RPL3L: variants seen among roughly 807,000 people sequenced by gnomAD.
RPL3L encodes the protein ribosomal protein L3 like.
A neutral mutation model predicts 44.5 loss-of-function variants in RPL3L; 44 were observed. The observed-to-expected ratio is 0.99, with a 90% confidence interval of 0.78 to 1.27. The LOEUF (loss-of-function observed/expected upper bound fraction) is 1.27, where lower values mean the gene tolerates loss of function less well. Among genes scored for constraint, RPL3L ranks in the 50% most tolerant of loss-of-function variants. RPL3L has a pLI of 0.00. For synonymous variants in RPL3L, 292 were observed against 230.7 expected (o/e 1.27, Z -2.41); for missense variants, 631 against 569.1 (o/e 1.11, Z -1.11).
intron 2 of RPL3L, 74 bp from the exon 3 acceptor site, chr16:1,953,116 C>T: frequency 6.7e-7 from 1 of 1,486,954 alleles, no homozygotes. Flanking sequence ...GAGAGCCGCC[C>T]ACATAGGGGC....
intron 8 of RPL3L, 47 bp from the exon 9 acceptor site, chr16:1,945,665 C>A (rs1429095175): frequency 3.7e-6 from 6 of 1,611,876 alleles, no homozygotes; most frequent in Non-Finnish European, 4.2e-6. Flanking sequence ...GGATCCCCCA[C>A]ACCCTGCTGT....
chr16:1,946,985 G>C lies in RPL3L; in HGVS notation c.802C>G (p.Arg268Gly), dbSNP rs773393186. The change falls in exon 6 of 10, where the codon CGG becomes GGG. Residue 268 changes from arginine to glycine, a missense_variant. Coordinates refer to ENST00000268661, the MANE Select transcript of RPL3L (RefSeq NM_005061.3). The stretch of plus-strand genomic sequence containing the variant: ...TGGTGATAGCCCTTCTGCCCGGCCC[G>C]AGCAATGGAGCAGCCCACGCGGGCG... ...HPARVGCSIA[R>G]AGQKGYHHRT... 3 of 1,610,480 alleles carry C rather than the reference G, an allele frequency of 1.9e-6. No homozygotes were observed. Among genetic ancestry groups the C allele is most frequent in the East Asian group, 2.2e-5 (1 of 44,868 alleles).
chr16:1,947,676 A>G (rs1213941017), intron 4 of RPL3L, among the ~76,000 whole-genome samples: 1 of 152,176 alleles, frequency 6.6e-6, no homozygotes, highest in Non-Finnish European at 1.5e-5. Flanking sequence ...TGTTTCAGAT[A>G]CAGTGGTCAG....
At chr16:1,950,457 G>A (rs2150864320) in intron 4 of RPL3L, among the ~76,000 whole-genome samples, 1 of 152,218 alleles carries the variant, frequency 6.6e-6, no homozygotes, top group East Asian at 1.9e-4. Flanking sequence ...TCCAGAATAA[G>A]CTGGAGGGTG....
intron 4 of RPL3L, among the ~76,000 whole-genome samples, chr16:1,948,024 G>A (rs981346523): frequency 1.3e-4 from 19 of 142,836 alleles, no homozygotes; most frequent in African/African-American, 5.0e-4. Flanking sequence ...TGCAAGCTCT[G>A]CCTCCCGGGT....
rs45467097 is a variant in RPL3L, at chr16:1,947,112, G to A, written c.689-14C>T. ...GGCTTGTGACCCCTGTGAGTGAGAGGGGCTGGTGGCTGAGAGGCCAGGCTG... is the reference window on the plus strand; with the variant it reads ...GGCTTGTGACCCCTGTGAGTGAGAGAGGCTGGTGGCTGAGAGGCCAGGCTG... On this transcript the variant is annotated splice_polypyrimidine_tract_variant and intron_variant, in intron 5 of 9. Transcript: ENST00000268661. 119,969 of 1,613,132 alleles carry A rather than the reference G, an allele frequency of 0.074. 6,437 individuals carry two copies. The highest frequency in any genetic ancestry group is 0.27 in the African/African-American group (20,131 of 74,962).
At position 1,948,374 on chromosome 16, in the gene RPL3L, C is replaced by T. The variant is rs545127838; in HGVS notation, c.502-994G>A. ...GAGTAACTGGGATTACAGGTGTGTGCCACCATGCCCGGCTAATTTTTTTGT... is the reference window on the plus strand; with the variant it reads ...GAGTAACTGGGATTACAGGTGTGTGTCACCATGCCCGGCTAATTTTTTTGT... On this transcript the variant is annotated intron_variant, in intron 4 of 9. Coordinates refer to ENST00000268661, the MANE Select transcript of RPL3L (RefSeq NM_005061.3). Among the ~76,000 whole-genome samples the T allele has an allele frequency of 3.6e-4, 55 of 152,088 alleles. No homozygotes were observed. The South Asian group carries it at 0.011, about 30-fold the overall frequency.
intron 4 of RPL3L, 22 bp from the exon 5 acceptor site, chr16:1,947,402 C>G: frequency 6.5e-7 from 1 of 1,532,784 alleles, no homozygotes; most frequent in Non-Finnish European, 8.8e-7. Context: ...GGCCGGAGGT[C>G]ACGCCACGGC....
chr16:1,949,251 T>TG (rs2083150414), intron 4 of RPL3L, among the ~76,000 whole-genome samples: 3 of 97,186 alleles, frequency 3.1e-5, no homozygotes, highest in African/African-American at 1.3e-4. Context: ...TTTGTTTTTT[T>TG]TTTTTTTCTT....
intron 3 of RPL3L, among the ~76,000 whole-genome samples, chr16:1,952,128 T>C (rs1393661699): frequency 1.3e-5 from 2 of 150,856 alleles, no homozygotes; most frequent in East Asian, 3.9e-4. Flanking sequence ...TTTTTATTTT[T>C]ATTTTTTTTT....
chr16:1,946,788 G>T, intron 6 of RPL3L, 62 bp from the exon 7 acceptor site: 1 of 1,597,826 alleles, frequency 6.3e-7, no homozygotes, highest in Admixed American at 1.7e-5. Flanking sequence ...AGCCCATCCA[G>T]GCCCATCCGC....
At position 1,947,362 on chromosome 16, in the gene RPL3L, G is replaced by A. The variant is rs34478455; in HGVS notation, c.520C>T (p.Arg174Trp). 493 of 1,590,378 alleles carry A rather than the reference G, an allele frequency of 3.1e-4. No homozygotes were observed. The highest frequency in any genetic ancestry group is 4.0e-4 in the Non-Finnish European group (471 of 1,169,212). The change falls in exon 5 of 10, where the codon CGG (arginine) becomes TGG (tryptophan). Residue 174 changes from arginine (R) to tryptophan (W), a missense_variant. By Grantham distance (101) the Arg-to-Trp change is moderately radical. Coordinates refer to ENST00000268661, the MANE Select transcript of RPL3L (RefSeq NM_005061.3). The stretch of plus-strand genomic sequence containing the variant: ...TCCATGATGTGGGCCTTCTTCTGCC[G>A]GAAGGGCAGCAGTTTCATCTGCAGG... ...VHTQMKLLPF[R>W]QKKAHIMEIQ...
chr16:1,949,468 G>A (rs925988784), intron 4 of RPL3L, among the ~76,000 whole-genome samples: 5 of 150,872 alleles, frequency 3.3e-5, no homozygotes, highest in African/African-American at 1.2e-4. Context: ...GGCCAGGCTG[G>A]TCTCGAACTC....
Position 1,949,706 on chromosome 16 carries a change from G to C in RPL3L, c.501+1138C>G, listed in dbSNP as rs1010348751. ...AGGTATGTATGAGGCAGGTATGTAC[G>C]GGGCAGGTATGGACGGGGCAGTATG... On this transcript the variant is annotated intron_variant, in intron 4 of 9. Coordinates refer to ENST00000268661, the MANE Select transcript of RPL3L (RefSeq NM_005061.3). Among the ~76,000 whole-genome samples, 7 of 145,170 alleles carry C rather than the reference G, an allele frequency of 4.8e-5. 1 individual carries two copies. In the South Asian group the frequency reaches 1.6e-3, roughly 33 times the overall value.
chr16:1,952,723 A>G (rs2023427), intron 3 of RPL3L, 151 bp downstream of exon 3: 6 of 829,476 alleles, frequency 7.2e-6, no homozygotes, highest in Admixed American at 5.5e-5. Context: ...ACACACACAC[A>G]CACACACAGA....
rs2083180667 is a variant in RPL3L, at chr16:1,952,935, AGCTCC to A, written c.299_303del (p.Arg100LeufsTer11). The stretch of plus-strand genomic sequence containing the variant: ...AGGTGTTCTGCAAAGATGGTCTTGA[AGCTCC>A]GGAGACCTCGAGGGGTGGCCACGTA... On this transcript the variant is annotated frameshift_variant, in exon 3 of 10. Coordinates refer to ENST00000268661, the MANE Select transcript of RPL3L (RefSeq NM_005061.3). LOFTEE classifies it high-confidence loss of function. 1 of 1,613,962 alleles carries A rather than the reference AGCTCC, an allele frequency of 6.2e-7. No homozygotes were observed. The highest frequency in any genetic ancestry group is 1.7e-5 in the Admixed American group (1 of 60,016).
chr16:1,947,725 A>G (rs911016368), intron 4 of RPL3L, among the ~76,000 whole-genome samples: 1 of 152,122 alleles, frequency 6.6e-6, no homozygotes, highest in Non-Finnish European at 1.5e-5. Flanking sequence ...CGCTGCTAAC[A>G]AGTAGGAGCC....
chr16:1,954,012 A>T lies in RPL3L; in HGVS notation c.140T>A (p.Leu47Gln). Residue 47 changes from leucine (L) to glutamine (Q), a missense_variant, in exon 2 of 10, where the codon CTG (leucine) becomes CAG (glutamine). Transcript: ENST00000268661. ...GTGGGTCATGCCCGCCTTGTAGCCC[A>T]GGAAGGCCGTGAGGTGCACGGGCTG... The part of the protein sequence containing the change: ...PSQPVHLTAF[L>Q]GYKAGMTHTL... The T allele has an allele frequency of 1.2e-6, 2 of 1,601,594 alleles. No homozygotes were observed. Among genetic ancestry groups the T allele is most frequent in the Non-Finnish European group, 1.7e-6 (2 of 1,173,296 alleles).
chr16:1,945,599 C>T lies in RPL3L; in HGVS notation c.1067G>A (p.Ser356Asn). 1 of 1,613,918 alleles carries T rather than the reference C, an allele frequency of 6.2e-7. No individual in the cohort carries two copies. Among genetic ancestry groups the T allele is most frequent in the Non-Finnish European group, 8.5e-7 (1 of 1,179,988 alleles). Residue 356 changes from serine (S) to asparagine (N), a missense_variant, in exon 9 of 10, where the codon AGT (serine) becomes AAT (asparagine). Physicochemically the swap from Ser to Asn is conservative, Grantham distance 46. Transcript: ENST00000268661. ...TLRKSLLVHH[S>N]RQAVENIELK... is the part of the protein sequence containing the mutation. ...CTCAATATTCTCCACGGCTTGGCGA[C>T]TGTGATGCACCAGGAGGGACTGGGG... is the stretch of plus-strand genomic sequence containing the variant.
Sources: allele counts gnomAD v4.1 joint callset (sites outside exome capture counted in the v4.1 genomes callset), GRCh38; gene constraint gnomAD v4.1.1; transcripts MANE v1.5; gene names NCBI Gene and HGNC (gene_info 2026-07-23, HGNC 2026-07-21).